Variants in IRF8 observed in about 807,000 individuals in gnomAD.
IRF8 encodes the protein interferon regulatory factor 8, also known as interferon consensus sequence binding protein 1.
IRF8 carries 14 observed loss-of-function variants against 48.7 expected under a neutral mutation model. The observed-to-expected ratio is 0.29, with a 90% CI of 0.19 to 0.45. The LOEUF (loss-of-function observed/expected upper bound fraction) is 0.45, where lower values mean the gene tolerates loss of function less well. IRF8 is among the 20% of genes least tolerant of loss of function. The probability of loss-of-function intolerance (pLI) is 1.00; values close to 1 mark genes in which losing one functional copy is unlikely to be tolerated. For missense variants in IRF8, 493 were observed against 580.7 expected, an observed-to-expected ratio of 0.85 and a Z score of 1.55; for synonymous variants, 278 against 227.3, an observed-to-expected ratio of 1.22 and a Z score of -2.01.
At chr16:85,920,675 G>A (rs1396856935) in intron 8 of IRF8, among the ~76,000 whole-genome samples, 1 of 152,188 alleles carries the variant, frequency 6.6e-6, no homozygotes, top group African/African-American at 2.4e-5. Flanking sequence ...TTCAATATGC[G>A]GGAAGCGGAT....
intron 1 of IRF8, among the ~76,000 whole-genome samples, chr16:85,900,077 T>C (rs754579753): frequency 6.6e-6 from 1 of 152,144 alleles, no homozygotes. Context: ...ATGAAAAGAT[T>C]TGGGAGTGAT....
intron 6 of IRF8, among the ~76,000 whole-genome samples, chr16:85,916,471 C>T (rs550207472): frequency 6.6e-6 from 1 of 152,342 alleles, no homozygotes; most frequent in East Asian, 1.9e-4. Flanking sequence ...ACCTGCCTCA[C>T]CTTGGCAGCC....
At chr16:85,918,193 A>G (rs1363669322) in intron 6 of IRF8, among the ~76,000 whole-genome samples, 1 of 152,222 alleles carries the variant, frequency 6.6e-6, no homozygotes, top group Admixed American at 6.5e-5. Context: ...ACACTGTTGT[A>G]GTTAATATGT....
At chr16:85,914,440 G>A (rs747078831) in intron 5 of IRF8, 33 bp from the exon 6 acceptor site, 1 of 1,614,066 alleles carries the variant, frequency 6.2e-7, no homozygotes, top group Non-Finnish European at 8.5e-7. Flanking sequence ...ACACCTGGGT[G>A]GCTCTGAGCT....
chr16:85,918,215 T>A lies in IRF8; in HGVS notation c.602-202T>A, dbSNP rs1905383424. On this transcript the variant is annotated intron_variant, in intron 6 of 8. Coordinates refer to ENST00000268638, the MANE Select transcript of IRF8 (RefSeq NM_002163.4). The stretch of plus-strand genomic sequence containing the variant: ...TGTAGTTAATATGTTCAGTCATTGG[T>A]TTCCTTAGTCATTCTGTGTATTTAT... The A allele has an allele frequency of 2.5e-5, 15 of 594,994 alleles. No individual in the cohort carries two copies. The South Asian group carries it at 3.4e-4, about 14-fold the overall frequency. The allele number at this position is 594,994 out of a possible 1,614,324, so 36.9% of individuals were successfully genotyped here.
At chr16:85,909,226 C>T (rs1370864661) in intron 3 of IRF8, 53 bp downstream of exon 3, 5 of 1,501,800 alleles carry the variant, frequency 3.3e-6, no homozygotes, top group Non-Finnish European at 4.6e-6. Flanking sequence ...TGGCCTGTAG[C>T]CTTCACCACA....
At chr16:85,917,440 C>A (rs1250072980) in intron 6 of IRF8, among the ~76,000 whole-genome samples, 1 of 152,200 alleles carries the variant, frequency 6.6e-6, no homozygotes, top group Non-Finnish European at 1.5e-5. Flanking sequence ...TGGACTGTTA[C>A]TAACATCATG....
intron 2 of IRF8, among the ~76,000 whole-genome samples, chr16:85,904,203 G>T (rs1046819748): frequency 2.0e-5 from 3 of 152,126 alleles, no homozygotes; most frequent in African/African-American, 7.2e-5. Context: ...CCTAGCCCAG[G>T]TTATAAGCCA....
chr16:85,917,536 TGGCACCTGGTATAA>T (rs1447102123), intron 6 of IRF8, among the ~76,000 whole-genome samples: 1 of 152,232 alleles, frequency 6.6e-6, no homozygotes, highest in Non-Finnish European at 1.5e-5. Flanking sequence ...GGAAGACCTG[TGGCACCTGGTATAA>T]GTAGGTAATA....
At chr16:85,904,324 G>C (rs1904922116) in intron 2 of IRF8, among the ~76,000 whole-genome samples, 1 of 152,154 alleles carries the variant, frequency 6.6e-6, no homozygotes, top group Non-Finnish European at 1.5e-5. Context: ...AATCAGACCT[G>C]AGACCACAAA....
At chr16:85,912,051 G>A (rs970158745) in intron 4 of IRF8, among the ~76,000 whole-genome samples, 2 of 152,224 alleles carry the variant, frequency 1.3e-5, no homozygotes, top group African/African-American at 2.4e-5. Context: ...TGCTGCCTGC[G>A]CTTGTCATGA....
At chr16:85,911,745 T>C (rs1225260702) in intron 4 of IRF8, 87 bp downstream of exon 4, 6 of 1,153,964 alleles carry the variant, frequency 5.2e-6, no homozygotes, top group Non-Finnish European at 7.7e-6. Flanking sequence ...TCTTGCTGTA[T>C]GAAGGCAGCC....
intron 4 of IRF8, 101 bp from the exon 5 acceptor site, chr16:85,913,030 G>C: frequency 1.1e-6 from 1 of 889,530 alleles, no homozygotes; most frequent in Non-Finnish European, 1.9e-6. Flanking sequence ...GTGACAATAT[G>C]GTTTTACTTA....
chr16:85,911,723 G>C lies in IRF8; in HGVS notation c.447+65G>C, dbSNP rs570154901. On this transcript the variant is annotated intron_variant, in intron 4 of 8. Transcript: ENST00000268638. ...GAGGAGTCTCATGTCTTCTGGCAGG[G>C]AGGGGCACCGTTCTTGCTGTATGAA... 3 of 1,388,802 alleles carry C rather than the reference G, an allele frequency of 2.2e-6. No individual in the cohort carries two copies. The South Asian group carries it at 3.5e-5, about 16-fold the overall frequency. 86.0% of individuals were successfully genotyped at this position (1,388,802 alleles called of 1,614,324 possible). A position where few individuals can be genotyped will look rare whatever the true frequency, so the allele number is the denominator to read the frequency against.
intron 3 of IRF8, 135 bp downstream of exon 3, chr16:85,909,308 G>A (rs920684628): frequency 9.3e-5 from 69 of 743,656 alleles, no homozygotes; most frequent in South Asian, 1.5e-4. Context: ...TCTCTCCTTC[G>A]TGTAAGCAGA....
chr16:85,921,541 G>T lies in IRF8; in HGVS notation c.*259G>T. On this transcript the variant is annotated 3_prime_UTR_variant, in exon 9 of 9. Coordinates refer to ENST00000268638, the MANE Select transcript of IRF8 (RefSeq NM_002163.4). ...AAATTTTATTTTCTATCCTTTACCC[G>T]TCATTATCATTAGTTGCTATGATTC... 1 of 496,456 alleles carries T rather than the reference G, an allele frequency of 2.0e-6. No homozygotes were observed. The highest frequency in any genetic ancestry group is 3.7e-6 in the Non-Finnish European group (1 of 272,898). The allele number at this position is 496,456 out of a possible 1,614,324, so 30.8% of individuals were successfully genotyped here.
Position 85,920,217 on chromosome 16 carries a change from T to C in IRF8, c.1097T>C (p.Leu366Pro). 1.3e-6 allele frequency: 2 copies of C among 1,552,228 alleles called. No homozygotes were observed. The highest frequency in any genetic ancestry group is 1.8e-6 in the Non-Finnish European group (2 of 1,124,560). Reference sequence around the variant, plus strand: ...GCCCCCTTGCGCTCCAAACTCATTCTCGTGCAGGTAAGTATGGGCAGCTTT... The same window carrying C: ...GCCCCCTTGCGCTCCAAACTCATTCCCGTGCAGGTAAGTATGGGCAGCTTT... ...DMAPLRSKLI[L>P]VQIEQLYVRQ... Residue 366 changes from leucine to proline, a missense_variant, in exon 8 of 9, where the codon CTC becomes CCC. Leu to Pro is a moderately conservative substitution (Grantham distance 98). Transcript: ENST00000268638.
chr16:85,916,516 C>T (rs1905311301), intron 6 of IRF8, among the ~76,000 whole-genome samples: 1 of 152,198 alleles, frequency 6.6e-6, no homozygotes, highest in Non-Finnish European at 1.5e-5. Flanking sequence ...CAGGTACAAG[C>T]CTGACAGCTG....
Position 85,913,209 on chromosome 16 carries a change from G to T in IRF8, c.526G>T (p.Asp176Tyr), listed in dbSNP as rs1167301439. 8 of 1,614,060 alleles carry T rather than the reference G, an allele frequency of 5.0e-6. No homozygotes were observed. Among genetic ancestry groups the T allele is most frequent in the Non-Finnish European group, 6.8e-6 (8 of 1,179,912 alleles). ...GGCCTGTCGGAGTCAGCTCCTTCCA[G>T]ACTGGTGGGCGCAGCAGCCCAGCAC... ...PEACRSQLLP[D>Y]WWAQQPSTGV... is the part of the protein sequence containing the mutation. The change falls in exon 5 of 9, where the codon GAC becomes TAC. Residue 176 changes from aspartate to tyrosine, a missense_variant. Coordinates refer to ENST00000268638, the MANE Select transcript of IRF8 (RefSeq NM_002163.4).
Sources: allele counts gnomAD v4.1 joint callset (sites outside exome capture counted in the v4.1 genomes callset), GRCh38; gene constraint gnomAD v4.1.1; transcripts MANE v1.5; gene names NCBI Gene and HGNC (gene_info 2026-07-23, HGNC 2026-07-21).